SLC25A42: variants seen among roughly 807,000 people sequenced by gnomAD.
SLC25A42 encodes the protein mitochondrial coenzyme A transporter SLC25A42.
In SLC25A42, 19 loss-of-function variants were observed where a neutral mutation model predicts 34.7. That is an observed-to-expected ratio of 0.55 (90% CI 0.38 to 0.80). SLC25A42 has a LOEUF of 0.80. Among genes scored for constraint, SLC25A42 ranks in the 30% least tolerant of loss-of-function variants. SLC25A42 has a pLI of 0.00. For synonymous variants in SLC25A42, 205 were observed against 191.2 expected (o/e 1.07, Z -0.59); for missense variants, 364 against 441.3 (o/e 0.82, Z 1.57).
intron 1 of SLC25A42, among the ~76,000 whole-genome samples, chr19:19,084,930 CAAAA>C (rs796897868): frequency 6.4e-5 from 6 of 94,054 alleles, no homozygotes; most frequent in African/African-American, 1.9e-4. Context: ...GACCCCATCT[CAAAA>C]AAAAAAAAAA....
At chr19:19,088,725 C>T (rs2059722141) in intron 1 of SLC25A42, among the ~76,000 whole-genome samples, 1 of 151,668 alleles carries the variant, frequency 6.6e-6, no homozygotes, top group Admixed American at 6.6e-5. Flanking sequence ...GTCTTGATCT[C>T]CTGACCTTGT....
At chr19:19,105,112 C>A in intron 4 of SLC25A42, 174 bp downstream of exon 4, 1 of 753,800 alleles carries the variant, frequency 1.3e-6, no homozygotes, top group South Asian at 1.7e-5. Flanking sequence ...CGGGACATCC[C>A]GAGTGTCCTT....
At chr19:19,086,052 C>T (rs776785045) in intron 1 of SLC25A42, among the ~76,000 whole-genome samples, 2 of 152,230 alleles carry the variant, frequency 1.3e-5, no homozygotes, top group Non-Finnish European at 2.9e-5. Context: ...GTCAGATCAC[C>T]CGGCCAGTCC....
At chr19:19,089,959 T>C (rs1374861367) in intron 1 of SLC25A42, among the ~76,000 whole-genome samples, 1 of 152,086 alleles carries the variant, frequency 6.6e-6, no homozygotes, top group East Asian at 1.9e-4. Context: ...CCACTGGGGG[T>C]CCCTGGAGGG....
chr19:19,094,232 C>T (rs1233875918), intron 1 of SLC25A42, among the ~76,000 whole-genome samples: 3 of 152,210 alleles, frequency 2.0e-5, no homozygotes, highest in African/African-American at 2.4e-5. Flanking sequence ...CTTGGAGGTC[C>T]GAGCTGCTGT....
chr19:19,097,528 G>C (rs895991363), intron 2 of SLC25A42, among the ~76,000 whole-genome samples: 1 of 152,264 alleles, frequency 6.6e-6, no homozygotes, highest in Non-Finnish European at 1.5e-5. Flanking sequence ...AAATGCGCCA[G>C]TGCTGGTCAC....
chr19:19,109,410 G>C lies in SLC25A42; in HGVS notation c.650-1159G>C, dbSNP rs2059850813. On this transcript the variant is annotated intron_variant, in intron 7 of 7. Transcript: ENST00000318596. This position sits in a 1 kb window ranked among gnomAD's most constrained non-coding sequence, Gnocchi z 4.1. ...CAGACCCCTTGTTTTTGCCCACCTG[G>C]TGAGCAGATCACAGTGTCTCCTGTC... 6.6e-6 allele frequency among the ~76,000 whole-genome samples: 1 copy of C among 152,160 alleles called. No individual in the cohort carries two copies. The highest frequency in any genetic ancestry group is 2.4e-5 in the African/African-American group (1 of 41,444).
chr19:19,110,529 T>A, intron 7 of SLC25A42, 40 bp from the exon 8 acceptor site: 1 of 1,372,588 alleles, frequency 7.3e-7, no homozygotes, highest in Non-Finnish European at 9.3e-7. Flanking sequence ...GCGCGCCCCC[T>A]CGCGGCGCCT....
At chr19:19,102,153 C>T (rs2059800813) in intron 3 of SLC25A42, among the ~76,000 whole-genome samples, 1 of 151,880 alleles carries the variant, frequency 6.6e-6, no homozygotes, top group Non-Finnish European at 1.5e-5. Context: ...GTACTACAGG[C>T]ATGCGCCACC....
intron 1 of SLC25A42, among the ~76,000 whole-genome samples, chr19:19,086,379 C>G (rs747073837): frequency 6.6e-6 from 1 of 152,080 alleles, no homozygotes; most frequent in Non-Finnish European, 1.5e-5. Flanking sequence ...GGTGATCCAC[C>G]TGCCTCGGCA....
chr19:19,103,638 C>A (rs1408503311), intron 3 of SLC25A42, among the ~76,000 whole-genome samples: 1 of 152,208 alleles, frequency 6.6e-6, no homozygotes, highest in African/African-American at 2.4e-5. Context: ...GCCTTTGCCC[C>A]CTTCAAACAG....
intron 2 of SLC25A42, 100 bp from the exon 3 acceptor site, chr19:19,101,681 G>A (rs921552886): frequency 4.8e-6 from 5 of 1,046,452 alleles, no homozygotes; most frequent in South Asian, 1.6e-5. Context: ...TACATCCCTC[G>A]GCCCCGGCCC....
intron 3 of SLC25A42, among the ~76,000 whole-genome samples, chr19:19,102,743 A>AAAAT (rs140086036): frequency 0.079 from 11,670 of 148,574 alleles, 560 homozygotes; most frequent in Middle Eastern, 0.13. Flanking sequence ...CTCTGTCTCA[A>AAAAT]AAATAAATAA....
At chr19:19,099,476 AAG>A (rs2145918629) in intron 2 of SLC25A42, among the ~76,000 whole-genome samples, 1 of 152,212 alleles carries the variant, frequency 6.6e-6, no homozygotes, top group South Asian at 2.1e-4. Context: ...TGGGAGACCA[AAG>A]AGGGCACCCT....
intron 1 of SLC25A42, among the ~76,000 whole-genome samples, chr19:19,071,883 AAAAAAT>A (rs1370128173): frequency 1.3e-5 from 2 of 152,148 alleles, no homozygotes; most frequent in African/African-American, 4.8e-5. Context: ...AAAACAACTA[AAAAAAT>A]AAAAATAAAG....
chr19:19,101,010 C>T (rs995176824), intron 2 of SLC25A42, among the ~76,000 whole-genome samples: 8 of 152,194 alleles, frequency 5.3e-5, no homozygotes, highest in African/African-American at 1.9e-4. Context: ...CTCTCTGCCA[C>T]TTCTCAGTGA....
intron 5 of SLC25A42, chr19:19,106,044 T>C: frequency 1.8e-6 from 1 of 557,046 alleles, no homozygotes; most frequent in Non-Finnish European, 3.2e-6. Flanking sequence ...GCATCATTAA[T>C]TTATGCCAGC....
At chr19:19,071,654 G>A (rs1001160206) in intron 1 of SLC25A42, among the ~76,000 whole-genome samples, 10 of 152,172 alleles carry the variant, frequency 6.6e-5, no homozygotes, top group African/African-American at 2.2e-4. Context: ...AGCACCTGAG[G>A]TCAGGAGTTT....
chr19:19,083,093 A>G (rs926034696), intron 1 of SLC25A42, among the ~76,000 whole-genome samples: 5 of 152,172 alleles, frequency 3.3e-5, no homozygotes, highest in Non-Finnish European at 5.9e-5. Context: ...AAGTGCTGGT[A>G]TTACAGGTGT....
Sources: allele counts gnomAD v4.1 joint callset (sites outside exome capture counted in the v4.1 genomes callset), GRCh38; gene constraint gnomAD v4.1.1; non-coding constraint Gnocchi (gnomAD v3.1); transcripts MANE v1.5; gene names NCBI Gene and HGNC (gene_info 2026-07-23, HGNC 2026-07-21).